NECAB1: variants seen among roughly 807,000 people sequenced by gnomAD.
NECAB1 encodes the protein N-terminal EF-hand calcium binding protein 1.
Under a neutral mutation model 57.5 loss-of-function variants are expected in NECAB1, and 29 were observed. The ratio of observed to expected loss-of-function variants is 0.50; its 90% confidence interval spans 0.38 to 0.69. The LOEUF is 0.69. Among genes scored for constraint, NECAB1 ranks in the 30% least tolerant of loss-of-function variants. The pLI is 0.00. For synonymous variants in NECAB1, 142 were observed against 147.7 expected (o/e 0.96, Z 0.28); for missense variants, 372 against 413.8 (o/e 0.90, Z 0.88).
intron 2 of NECAB1, among the ~76,000 whole-genome samples, chr8:90,808,226 C>T (rs1811886557): frequency 6.6e-6 from 1 of 152,136 alleles, no homozygotes; most frequent in Admixed American, 6.6e-5. Context: ...TGCTCCAGAT[C>T]CTGGAGGGCA....
intron 5 of NECAB1, among the ~76,000 whole-genome samples, chr8:90,888,550 AG>A (rs1809070456): frequency 6.6e-6 from 1 of 152,178 alleles, no homozygotes; most frequent in South Asian, 2.1e-4. Context: ...CAGATCTGAT[AG>A]GCATCAGTTA....
intron 2 of NECAB1, among the ~76,000 whole-genome samples, chr8:90,817,103 A>G (rs754637191): frequency 6.6e-4 from 101 of 151,896 alleles, no homozygotes; most frequent in Non-Finnish European, 1.1e-3. Flanking sequence ...TCTAATTCCA[A>G]TTGCTTATTG....
At chr8:90,811,370 A>G (rs1811958044) in intron 2 of NECAB1, among the ~76,000 whole-genome samples, 1 of 152,206 alleles carries the variant, frequency 6.6e-6, no homozygotes, top group African/African-American at 2.4e-5. Context: ...TCACTAAGCC[A>G]AATGAGTGAG....
At chr8:90,847,220 C>T (rs1178280174) in intron 3 of NECAB1, among the ~76,000 whole-genome samples, 3 of 152,252 alleles carry the variant, frequency 2.0e-5, no homozygotes, top group Non-Finnish European at 4.4e-5. Context: ...AAAGGGGCCA[C>T]AGGCCCCATG....
At chr8:90,892,839 A>G (rs1244315454) in intron 5 of NECAB1, among the ~76,000 whole-genome samples, 1 of 152,124 alleles carries the variant, frequency 6.6e-6, no homozygotes, top group Non-Finnish European at 1.5e-5. Context: ...AAAACCTTAC[A>G]TTGGCTCCTC....
chr8:90,883,379 C>T (rs546478320), intron 5 of NECAB1, among the ~76,000 whole-genome samples: 45 of 152,286 alleles, frequency 3.0e-4, no homozygotes, highest in African/African-American at 7.5e-4. Context: ...GACATCTTCA[C>T]GCTGTCTAGC....
chr8:90,879,228 G>A (rs1290290361), intron 4 of NECAB1, among the ~76,000 whole-genome samples: 2 of 139,560 alleles, frequency 1.4e-5, no homozygotes, highest in Admixed American at 7.4e-5. Context: ...CTCATCTGTA[G>A]CCCAGGCTGG....
At chr8:90,954,922 G>A (rs1489393663) in intron 12 of NECAB1, among the ~76,000 whole-genome samples, 1 of 146,630 alleles carries the variant, frequency 6.8e-6, no homozygotes, top group East Asian at 2.0e-4. Context: ...GTATACAAAT[G>A]CATATGTATT....
At chr8:90,923,986 G>T (rs930964897) in intron 6 of NECAB1, among the ~76,000 whole-genome samples, 1 of 152,166 alleles carries the variant, frequency 6.6e-6, no homozygotes, top group African/African-American at 2.4e-5. Flanking sequence ...TGGAATATGT[G>T]TCCAGTTTGA....
intron 1 of NECAB1, among the ~76,000 whole-genome samples, chr8:90,795,910 G>A (rs886941117): frequency 2.0e-5 from 3 of 152,096 alleles, no homozygotes; most frequent in African/African-American, 7.2e-5. Flanking sequence ...TGGATTGATA[G>A]GTGCAGCAAA....
intron 5 of NECAB1, among the ~76,000 whole-genome samples, chr8:90,886,072 C>A (rs1586085876): frequency 1.3e-5 from 2 of 152,096 alleles, no homozygotes; most frequent in East Asian, 3.9e-4. Context: ...TATTTTTTAT[C>A]ATAGTTTGTT....
chr8:90,936,621 G>A (rs999186419), intron 9 of NECAB1, among the ~76,000 whole-genome samples: 2 of 152,130 alleles, frequency 1.3e-5, no homozygotes, highest in African/African-American at 4.8e-5. Context: ...TGCTAGCGAG[G>A]TTGTGGATGA....
intron 5 of NECAB1, among the ~76,000 whole-genome samples, chr8:90,882,648 T>TA (rs767658185): frequency 1.3e-5 from 2 of 150,994 alleles, no homozygotes; most frequent in Non-Finnish European, 3.0e-5. Context: ...CCACTCTATC[T>TA]AAAAAAAAAG....
intron 2 of NECAB1, among the ~76,000 whole-genome samples, chr8:90,811,739 G>A (rs887467948): frequency 6.6e-5 from 10 of 152,164 alleles, no homozygotes; most frequent in Middle Eastern, 6.8e-3. Flanking sequence ...TTCCTTTCAG[G>A]TAGGCTTTCT....
At chr8:90,874,957 T>TTTG (rs397829766) in intron 4 of NECAB1, among the ~76,000 whole-genome samples, 6 of 151,902 alleles carry the variant, frequency 3.9e-5, no homozygotes, top group Admixed American at 3.9e-4. Flanking sequence ...ATTTTTTTTT[T>TTTG]GCCGTATCTT....
At chr8:90,938,803 G>C (rs73298068) in intron 9 of NECAB1, among the ~76,000 whole-genome samples, 32,866 of 152,062 alleles carry the variant, frequency 0.22, 6,191 homozygotes, top group African/African-American at 0.51. Context: ...TTAGGTATTG[G>C]TAACATAATA....
At chr8:90,926,472 G>A (rs1054319474) in intron 7 of NECAB1, among the ~76,000 whole-genome samples, 42 of 152,180 alleles carry the variant, frequency 2.8e-4, no homozygotes, top group African/African-American at 9.9e-4. Flanking sequence ...GGGAAGTTAA[G>A]TGATTTGTCC....
Position 90,958,972 on chromosome 8 carries a change from G to A in NECAB1, c.*3460G>A, listed in dbSNP as rs1811083316. On this transcript the variant is annotated 3_prime_UTR_variant, in exon 13 of 13. Transcript: ENST00000417640. ...TGTTGCTAGATCCACCTCATTTGCA[G>A]ATGTCCAAACTTAAATTCATCTGTT... 1 of 1,355,998 alleles carries A rather than the reference G, an allele frequency of 7.4e-7. No homozygotes were observed. Among genetic ancestry groups the A allele is most frequent in the South Asian group, 1.4e-5 (1 of 73,290 alleles). The allele number at this position is 1,355,998 out of a possible 1,614,324, so 84.0% of individuals were successfully genotyped here.
intron 1 of NECAB1, among the ~76,000 whole-genome samples, chr8:90,798,283 C>A (rs1249915454): frequency 6.6e-6 from 1 of 152,162 alleles, no homozygotes; most frequent in African/African-American, 2.4e-5. Context: ...AACCCTATTT[C>A]TTTTCTTTTT....
Sources: gnomAD v4.1 joint callset for allele counts (sites outside exome capture counted in the v4.1 genomes callset) on GRCh38, gnomAD v4.1.1 for gene constraint, MANE v1.5 for transcripts, NCBI Gene and HGNC (gene_info 2026-07-23, HGNC 2026-07-21) for gene names.